The following ITFG1 variants were observed in gnomAD, a reference collection of about 807,000 sequenced individuals.
ITFG1 encodes the protein integrin alpha FG-GAP repeat containing 1, also known as T-cell immunomodulatory protein.
ITFG1 carries 34 observed loss-of-function variants against 81.8 expected under a neutral mutation model. That is an observed-to-expected ratio of 0.42 (90% CI 0.32 to 0.55). The LOEUF (loss-of-function observed/expected upper bound fraction) is 0.55, where lower values mean the gene tolerates loss of function less well. ITFG1 is among the 20% of genes least tolerant of loss of function. ITFG1 has a pLI of 0.17. For missense variants in ITFG1, 672 were observed against 755.4 expected (o/e 0.89, Z 1.29); for synonymous variants, 285 against 270.6 (o/e 1.05, Z -0.52).
chr16:47,303,001 G>A (rs554182394), intron 10 of ITFG1, among the ~76,000 whole-genome samples: 1 of 152,174 alleles, frequency 6.6e-6, no homozygotes, highest in Non-Finnish European at 1.5e-5. Flanking sequence ...GCTGGGGGCG[G>A]TAGCTCACGC....
intron 6 of ITFG1, among the ~76,000 whole-genome samples, chr16:47,421,717 T>C (rs1288777918): frequency 6.6e-6 from 1 of 152,230 alleles, no homozygotes; most frequent in Non-Finnish European, 1.5e-5. Flanking sequence ...CTAGGGTACA[T>C]GTGCACAACG....
At chr16:47,321,255 T>C (rs981449056) in intron 8 of ITFG1, among the ~76,000 whole-genome samples, 3 of 152,312 alleles carry the variant, frequency 2.0e-5, no homozygotes, top group South Asian at 4.1e-4. Flanking sequence ...AAGATTTCTA[T>C]GCAGAATCTC....
intron 8 of ITFG1, among the ~76,000 whole-genome samples, chr16:47,363,870 C>A (rs191770466): frequency 2.5e-3 from 383 of 152,188 alleles, no homozygotes; most frequent in Middle Eastern, 0.021. Context: ...CATTTAAACA[C>A]TTCTCTTTGG....
intron 6 of ITFG1, among the ~76,000 whole-genome samples, chr16:47,405,197 A>G (rs1376436011): frequency 1.3e-5 from 2 of 152,200 alleles, no homozygotes; most frequent in Non-Finnish European, 2.9e-5. Flanking sequence ...TATGTAGAGA[A>G]TACACATAGA....
chr16:47,429,796 C>G (rs1278575942), intron 5 of ITFG1, among the ~76,000 whole-genome samples: 1 of 152,126 alleles, frequency 6.6e-6, no homozygotes, highest in Non-Finnish European at 1.5e-5. Context: ...TGCTTTACTG[C>G]TATCCATCCA....
chr16:47,182,793 G>C (rs1043710137), intron 14 of ITFG1, among the ~76,000 whole-genome samples: 6 of 152,192 alleles, frequency 3.9e-5, no homozygotes, highest in Admixed American at 6.5e-5. Context: ...GAAAAGCTCC[G>C]GTCTACAGCT....
intron 14 of ITFG1, among the ~76,000 whole-genome samples, chr16:47,203,541 C>G (rs1965454027): frequency 6.6e-6 from 1 of 152,186 alleles, no homozygotes; most frequent in South Asian, 2.1e-4. Flanking sequence ...GAGACAGTGA[C>G]AGATCATCAG....
At chr16:47,256,749 G>T (rs1368148804) in intron 12 of ITFG1, among the ~76,000 whole-genome samples, 4 of 152,202 alleles carry the variant, frequency 2.6e-5, no homozygotes, top group African/African-American at 9.7e-5. Flanking sequence ...AAGGAAGGAT[G>T]CATGTTATAT....
intron 14 of ITFG1, among the ~76,000 whole-genome samples, chr16:47,167,108 T>G (rs1355072579): frequency 6.6e-6 from 1 of 152,202 alleles, no homozygotes; most frequent in East Asian, 1.9e-4. Flanking sequence ...ACTCCCCCAG[T>G]AACCTCTAAT....
chr16:47,444,709 C>T (rs1969300714), intron 5 of ITFG1, among the ~76,000 whole-genome samples: 1 of 152,034 alleles, frequency 6.6e-6, no homozygotes, highest in East Asian at 1.9e-4. Context: ...AAATATACAA[C>T]AAATTATGCA....
At chr16:47,414,947 C>T (rs1968855801) in intron 6 of ITFG1, among the ~76,000 whole-genome samples, 1 of 152,192 alleles carries the variant, frequency 6.6e-6, no homozygotes, top group Non-Finnish European at 1.5e-5. Context: ...ACTTTTTAGG[C>T]TCTGACCTTG....
At chr16:47,385,023 C>T (rs1164873553) in intron 6 of ITFG1, among the ~76,000 whole-genome samples, 1 of 152,216 alleles carries the variant, frequency 6.6e-6, no homozygotes, top group African/African-American at 2.4e-5. Context: ...ACAGAGCTGG[C>T]AGAGGTACTC....
At chr16:47,351,055 G>T (rs1442005691) in intron 8 of ITFG1, among the ~76,000 whole-genome samples, 5 of 152,162 alleles carry the variant, frequency 3.3e-5, no homozygotes, top group Non-Finnish European at 7.3e-5. Flanking sequence ...TTGATGGGAT[G>T]TATCTCAAAA....
chr16:47,211,233 CTA>C (rs1167975546), intron 14 of ITFG1, among the ~76,000 whole-genome samples: 1 of 152,126 alleles, frequency 6.6e-6, no homozygotes, highest in African/African-American at 2.4e-5. Context: ...TATAAGTCCT[CTA>C]TATGTTTTGT....
At chr16:47,297,416 A>G (rs1966999531) in intron 10 of ITFG1, among the ~76,000 whole-genome samples, 1 of 152,168 alleles carries the variant, frequency 6.6e-6, no homozygotes, top group African/African-American at 2.4e-5. Flanking sequence ...TATGTCATTT[A>G]CATTCAAGGT....
At chr16:47,239,349 C>T (rs1025488666) in intron 12 of ITFG1, among the ~76,000 whole-genome samples, 8 of 152,074 alleles carry the variant, frequency 5.3e-5, no homozygotes, top group South Asian at 4.1e-4. Context: ...TACAGGTGCA[C>T]GCCACCACAC....
At chr16:47,349,409 C>T (rs879025764) in intron 8 of ITFG1, among the ~76,000 whole-genome samples, 1 of 152,122 alleles carries the variant, frequency 6.6e-6, no homozygotes, top group Non-Finnish European at 1.5e-5. Flanking sequence ...GGGTTGCAAT[C>T]CTAGTCTCTG....
intron 7 of ITFG1, among the ~76,000 whole-genome samples, chr16:47,375,668 T>A (rs1968314967): frequency 6.6e-6 from 1 of 152,278 alleles, no homozygotes; most frequent in Admixed American, 6.5e-5. Context: ...CAGTCATGCC[T>A]AAAAACCTGC....
At chr16:47,264,591 C>CACACACAG (rs925255694) in intron 10 of ITFG1, among the ~76,000 whole-genome samples, 15 of 140,486 alleles carry the variant, frequency 1.1e-4, no homozygotes, top group Non-Finnish European at 2.2e-4. Context: ...CACACACACA[C>CACACACAG]AGAGATAGAG....
Sources: allele counts gnomAD v4.1 joint callset (sites outside exome capture counted in the v4.1 genomes callset), GRCh38; gene constraint gnomAD v4.1.1; transcripts MANE v1.5; gene names NCBI Gene and HGNC (gene_info 2026-07-23, HGNC 2026-07-21).